MEGF6: variants seen among roughly 807,000 people sequenced by gnomAD.
MEGF6 encodes multiple EGF like domains 6.
A neutral mutation model predicts 207.1 loss-of-function variants in MEGF6; 184 were observed. That is an observed-to-expected ratio of 0.89 (90% confidence interval 0.79 to 1.00). The LOEUF (loss-of-function observed/expected upper bound fraction) is 1.00, where lower values mean the gene tolerates loss of function less well. MEGF6 is among the 50% of genes least tolerant of loss of function. MEGF6 has a pLI of 0.00. For synonymous variants in MEGF6, 1,038 were observed against 910.0 expected (o/e 1.14, Z -2.53); for missense variants, 2,282 against 2,202.9 (o/e 1.04, Z -0.72).
chr1:3,547,960 C>T (rs189428401), intron 4 of MEGF6, among the ~76,000 whole-genome samples: 42 of 152,250 alleles, frequency 2.8e-4, no homozygotes, highest in Non-Finnish European at 5.0e-4. Flanking sequence ...CTTGAGGTGA[C>T]GCAGGGACCA....
upstream of MEGF6, among the ~76,000 whole-genome samples, chr1:3,614,834 C>G (rs755495126): frequency 1.1e-4 from 16 of 152,252 alleles, no homozygotes; most frequent in Non-Finnish European, 2.2e-4. Context: ...GCACCAGCAG[C>G]CAGCCCAGCT....
intron 35 of MEGF6, among the ~76,000 whole-genome samples, chr1:3,491,668 T>C (rs1288883640): frequency 2.0e-5 from 3 of 151,686 alleles, no homozygotes; most frequent in South Asian, 4.2e-4. Context: ...CGCCCGGCCT[T>C]TGCCCCGCCC....
chr1:3,563,001 C>T (rs1026724483), intron 4 of MEGF6, among the ~76,000 whole-genome samples: 3 of 152,146 alleles, frequency 2.0e-5, no homozygotes, highest in Non-Finnish European at 2.9e-5. Context: ...CTCTGCCCAC[C>T]GAGGCAGCCC....
chr1:3,598,240 CG>C (rs1299460346), intron 2 of MEGF6, among the ~76,000 whole-genome samples: 2 of 152,194 alleles, frequency 1.3e-5, no homozygotes, highest in African/African-American at 4.8e-5. Context: ...CCCAGCTTGC[CG>C]GGGCTGCTGC....
chr1:3,615,192 T>C (rs990874025), upstream of MEGF6, among the ~76,000 whole-genome samples: 1 of 152,160 alleles, frequency 6.6e-6, no homozygotes, highest in Admixed American at 6.5e-5. Flanking sequence ...AATGTATGCA[T>C]GGAGAAAAAA....
At chr1:3,533,419 A>G (rs1315535283) in intron 4 of MEGF6, among the ~76,000 whole-genome samples, 3 of 152,226 alleles carry the variant, frequency 2.0e-5, no homozygotes, top group Non-Finnish European at 4.4e-5. Flanking sequence ...GTTTGAAGGC[A>G]CCTTCCACGC....
In MEGF6 at chr1:3,496,755, G is replaced by A. The variant is rs1236602416; in HGVS notation, c.3642C>T (p.Gly1214=). 2.0e-5 allele frequency: 31 copies of A among 1,559,910 alleles called. No homozygotes were observed. The highest frequency in any genetic ancestry group is 2.7e-5 in the Non-Finnish European group (31 of 1,152,408). ...QRCPPGRYGP[G]CEQLCGCLNG... is the part of the protein sequence containing the mutation. Reference sequence around the variant, plus strand: ...TGAGACACCCACACAGCTGTTCACAGCCTGGCCCATACCGCCCGGGCGGAC... The same window carrying A: ...TGAGACACCCACACAGCTGTTCACAACCTGGCCCATACCGCCCGGGCGGAC... Residue 1214 remains glycine (G), a synonymous_variant, in exon 29 of 37, where the codon GGC becomes GGT. Coordinates refer to ENST00000356575, the MANE Select transcript of MEGF6 (RefSeq NM_001409.4).
chr1:3,596,187 A>G (rs1156260805), intron 2 of MEGF6, among the ~76,000 whole-genome samples: 2 of 151,992 alleles, frequency 1.3e-5, no homozygotes, highest in Admixed American at 6.5e-5. Context: ...GCCTTGGTTC[A>G]CAGGCTGGCT....
Position 3,611,231 on chromosome 1 carries a change from G to T in MEGF6, c.38C>A (p.Ala13Glu). ...CAGCAGCACCAACGCCAGGACCACC[G>T]CGCGCCCCGCTGCCCTCGCCTCTTC... The part of the protein sequence containing the change: ...FLEEARAAGR[A>E]VVLALVLLLL... Residue 13 changes from alanine to glutamate, a missense_variant, in exon 1 of 37, where the codon GCG becomes GAG. Coordinates refer to ENST00000356575, the MANE Select transcript of MEGF6 (RefSeq NM_001409.4). The T allele has an allele frequency of 1.3e-6, 2 of 1,537,006 alleles. No homozygotes were observed. The highest frequency in any genetic ancestry group is 2.6e-5 in the East Asian group (1 of 39,196).
chr1:3,490,248 C>T lies in MEGF6; in HGVS notation c.*280G>A, dbSNP rs144010626. On this transcript the variant is annotated 3_prime_UTR_variant, in exon 37 of 37. Transcript: ENST00000356575. ...GTCCAACTCAGAGCCGCGGGGAGAG[C>T]GGGACTTCCTCAGCCCAGGCCCAGA... 3,488 of 506,254 alleles carry T rather than the reference C, an allele frequency of 6.9e-3. 132 individuals are homozygous for T. The highest frequency in any genetic ancestry group is 0.062 in the African/African-American group (3,039 of 49,318). The allele number at this position is 506,254 out of a possible 1,614,324, so 31.4% of individuals were successfully genotyped here.
intron 4 of MEGF6, among the ~76,000 whole-genome samples, chr1:3,546,243 C>T (rs992956890): frequency 2.0e-5 from 3 of 152,238 alleles, no homozygotes; most frequent in African/African-American, 4.8e-5. Context: ...AGTGGGTTTT[C>T]CTTCTGTCTG....
In MEGF6 at chr1:3,496,027, G is replaced by T; in HGVS notation, c.3743-9C>A. ...GCGGCCCTGCGGACAGGCTGCCGGGGAGGAAGTGGTGATCGTGGCTGGCTT... is the reference window on the plus strand; with the variant it reads ...GCGGCCCTGCGGACAGGCTGCCGGGTAGGAAGTGGTGATCGTGGCTGGCTT... On this transcript the variant is annotated splice_polypyrimidine_tract_variant and intron_variant, in intron 29 of 36. Coordinates refer to ENST00000356575, the MANE Select transcript of MEGF6 (RefSeq NM_001409.4). The T allele has an allele frequency of 6.6e-7, 1 of 1,509,728 alleles. No homozygotes were observed. Among genetic ancestry groups the T allele is most frequent in the Admixed American group, 2.1e-5 (1 of 48,374 alleles). The allele number at this position is 1,509,728 out of a possible 1,614,324, so 93.5% of individuals were successfully genotyped here.
At chr1:3,493,957 G>A (rs1257141412) in intron 33 of MEGF6, 39 bp downstream of exon 33, 2 of 1,583,130 alleles carry the variant, frequency 1.3e-6, no homozygotes, top group Admixed American at 3.7e-5. Context: ...ACGGGACGGG[G>A]CCAGGGAGCG....
chr1:3,499,387 C>T, intron 23 of MEGF6, 121 bp from the exon 24 acceptor site: 1 of 1,425,134 alleles, frequency 7.0e-7, no homozygotes, highest in Non-Finnish European at 9.3e-7. Context: ...CAACTCTCCC[C>T]TCCCTCTGGC....
At position 3,494,060 on chromosome 1, in the gene MEGF6, G is replaced by A; in HGVS notation, c.4194C>T (p.Pro1398=). 1.2e-6 allele frequency: 2 copies of A among 1,606,634 alleles called. No individual in the cohort carries two copies. The highest frequency in any genetic ancestry group is 1.3e-5 in the African/African-American group (1 of 74,956). ...GGCATCGGCCACTGATGGGGTCGCA[G>A]GGGGCTCCATGTTGACACCAGCACA... ...QGLCWCQHGA[P]CDPISGRCLC... The change falls in exon 33 of 37, where the codon CCC becomes CCT. Residue 1398 remains proline, a synonymous_variant. Coordinates refer to ENST00000356575, the MANE Select transcript of MEGF6 (RefSeq NM_001409.4).
chr1:3,611,135 C>A lies in MEGF6; in HGVS notation c.131+3G>T. On this transcript the variant is annotated splice_donor_region_variant and intron_variant, in intron 1 of 36. Coordinates refer to ENST00000356575, the MANE Select transcript of MEGF6 (RefSeq NM_001409.4). ...CCGAGCCCTCCCAGCTCCTGCTACT[C>A]ACATGCCGGGCTGCAGCGGGAGCAG... 6.6e-7 allele frequency: 1 copy of A among 1,511,330 alleles called. No individual in the cohort carries two copies. The highest frequency in any genetic ancestry group is 1.4e-5 in the African/African-American group (1 of 69,778). 93.6% of individuals were successfully genotyped at this position (1,511,330 alleles called of 1,614,324 possible).
chr1:3,534,594 G>A lies in MEGF6; in HGVS notation c.482-10348C>T, dbSNP rs890873090. On this transcript the variant is annotated intron_variant, in intron 4 of 36. Transcript: ENST00000356575. ...TCAACAAACGTGGGAGTGGGAGGCC[G>A]AGTCTGGAGGCCTGACCATGCCCCT... Among the ~76,000 whole-genome samples, 15 of 152,256 alleles carry A rather than the reference G, an allele frequency of 9.9e-5. No homozygotes were observed. The South Asian group carries it at 1.0e-3, about 11-fold the overall frequency.
intron 2 of MEGF6, among the ~76,000 whole-genome samples, chr1:3,602,180 G>A (rs768302999): frequency 2.0e-5 from 3 of 150,846 alleles, no homozygotes; most frequent in Non-Finnish European, 2.9e-5. Flanking sequence ...CCCTTCCTGC[G>A]TGGCCAGCAT....
Position 3,498,438 on chromosome 1 carries a change from GC to G in MEGF6, c.3284del (p.Gly1095AlafsTer179). The G allele has an allele frequency of 6.3e-7, 1 of 1,579,998 alleles. No homozygotes were observed. ...AGCGGCCCGTGTGCGGGTCACACAG[GC>G]CCCCGTTGAGGCAACCGCCGCTGTG... ...CRHSGGCLNG[G>X]LCDPHTGRCL... On this transcript the variant is annotated frameshift_variant, in exon 26 of 37. Coordinates refer to ENST00000356575, the MANE Select transcript of MEGF6 (RefSeq NM_001409.4). LOFTEE classifies it high-confidence loss of function.
Sources: gnomAD v4.1 joint callset for allele counts (sites outside exome capture counted in the v4.1 genomes callset) on GRCh38, gnomAD v4.1.1 for gene constraint, MANE v1.5 for transcripts, NCBI Gene and HGNC (gene_info 2026-07-23, HGNC 2026-07-21) for gene names.